PSD3: variants seen among roughly 807,000 people sequenced by gnomAD.
The protein encoded by PSD3 is pleckstrin and Sec7 domain containing 3.
A neutral mutation model predicts 105.5 loss-of-function variants in PSD3; 49 were observed. That is an observed-to-expected ratio of 0.46 (90% CI 0.37 to 0.59). The LOEUF (loss-of-function observed/expected upper bound fraction) is 0.59, where lower values mean the gene tolerates loss of function less well. PSD3 is among the 20% of genes least tolerant of loss of function. The pLI, the probability that PSD3 is intolerant of heterozygous loss-of-function variation, is 0.00. For synonymous variants in PSD3, 557 were observed against 457.8 expected, an observed-to-expected ratio of 1.22 and a Z score of -2.77; for missense variants, 1,561 against 1,263.8, an observed-to-expected ratio of 1.24 and a Z score of -3.57.
At chr8:18,894,648 T>G (rs1364469864) in intron 2 of PSD3, among the ~76,000 whole-genome samples, 1 of 152,140 alleles carries the variant, frequency 6.6e-6, no homozygotes, top group African/African-American at 2.4e-5. Context: ...TGTATTCTTT[T>G]AACCCCAAGA....
At chr8:18,580,546 T>A (rs1802747641) in intron 12 of PSD3, among the ~76,000 whole-genome samples, 1 of 151,862 alleles carries the variant, frequency 6.6e-6, no homozygotes, top group Non-Finnish European at 1.5e-5. Flanking sequence ...TGAGAATCTG[T>A]GTCAAAAAAC....
chr8:18,702,962 G>C (rs1801679470), intron 9 of PSD3, among the ~76,000 whole-genome samples: 1 of 152,070 alleles, frequency 6.6e-6, no homozygotes, highest in Non-Finnish European at 1.5e-5. Context: ...TGTAGTGCCT[G>C]CTATAGCCAT....
intron 1 of PSD3, among the ~76,000 whole-genome samples, chr8:18,964,372 C>T (rs1213472087): frequency 1.3e-5 from 2 of 152,190 alleles, no homozygotes; most frequent in African/African-American, 4.8e-5. Context: ...GATCCTCCCA[C>T]CTAGGCCTCC....
At chr8:18,569,134 C>A (rs1229900848) in intron 14 of PSD3, among the ~76,000 whole-genome samples, 1 of 129,934 alleles carries the variant, frequency 7.7e-6, no homozygotes, top group Non-Finnish European at 1.6e-5. Context: ...GGTTCCAAGT[C>A]TTTGCTATTG....
intron 9 of PSD3, among the ~76,000 whole-genome samples, chr8:18,752,554 A>ATTATATAT (rs60557005): frequency 9.7e-4 from 19 of 19,686 alleles, no homozygotes; most frequent in East Asian, 5.7e-3. Flanking sequence ...TATTATATAT[A>ATTATATAT]ATTATATATA....
At chr8:19,017,050 CTTTT>C (rs60211350), upstream of PSD3, among the ~76,000 whole-genome samples, 42 of 115,542 alleles carry the variant, frequency 3.6e-4, no homozygotes, top group East Asian at 6.0e-4. Context: ...TGGCTACATA[CTTTT>C]TTTTTTTTTT....
intron 11 of PSD3, among the ~76,000 whole-genome samples, chr8:18,602,586 G>A (rs1804513692): frequency 6.6e-6 from 1 of 152,072 alleles, no homozygotes; most frequent in Non-Finnish European, 1.5e-5. Flanking sequence ...TAAAAGCACT[G>A]CTCTAAGTGC....
chr8:18,716,115 G>C (rs1257649291), intron 9 of PSD3, among the ~76,000 whole-genome samples: 1 of 152,166 alleles, frequency 6.6e-6, no homozygotes, highest in South Asian at 2.1e-4. Flanking sequence ...CATGAGTGCA[G>C]AGAACAAAAT....
chr8:18,695,019 G>C (rs949467329), intron 9 of PSD3, among the ~76,000 whole-genome samples: 1 of 152,112 alleles, frequency 6.6e-6, no homozygotes, highest in African/African-American at 2.4e-5. Flanking sequence ...TCTAAGACAG[G>C]AAGGGACCAG....
At chr8:18,623,102 C>T (rs1806234444) in intron 11 of PSD3, among the ~76,000 whole-genome samples, 1 of 152,058 alleles carries the variant, frequency 6.6e-6, no homozygotes, top group African/African-American at 2.4e-5. Flanking sequence ...CCAGGCTGGT[C>T]TTGAACTCCT....
chr8:18,540,789 T>C (rs1800110519), intron 15 of PSD3, among the ~76,000 whole-genome samples: 1 of 152,116 alleles, frequency 6.6e-6, no homozygotes. Flanking sequence ...TGGTTTCTCA[T>C]CCTTAATTCT....
At chr8:18,723,494 A>G (rs573081054) in intron 9 of PSD3, among the ~76,000 whole-genome samples, 1 of 152,300 alleles carries the variant, frequency 6.6e-6, no homozygotes, top group South Asian at 2.1e-4. Flanking sequence ...TTCTCTACTG[A>G]AGATCAATTA....
chr8:18,701,201 C>A (rs1437333288), intron 9 of PSD3, among the ~76,000 whole-genome samples: 1 of 150,566 alleles, frequency 6.6e-6, no homozygotes, highest in Non-Finnish European at 1.5e-5. Flanking sequence ...AACTCCTGGG[C>A]CCAAGTGATC....
intron 4 of PSD3, among the ~76,000 whole-genome samples, chr8:18,823,557 A>G (rs1316076773): frequency 1.3e-5 from 2 of 152,116 alleles, no homozygotes; most frequent in Non-Finnish European, 2.9e-5. Context: ...GCAACTTATC[A>G]TTGAATTCTG....
At chr8:18,852,847 C>A (rs146710314) in intron 4 of PSD3, among the ~76,000 whole-genome samples, 2 of 152,300 alleles carry the variant, frequency 1.3e-5, no homozygotes, top group African/African-American at 2.4e-5. Flanking sequence ...TTAATGTTTA[C>A]TGAGCTCTTT....
At chr8:18,679,112 G>C (rs17127030) in intron 9 of PSD3, among the ~76,000 whole-genome samples, 1 of 152,112 alleles carries the variant, frequency 6.6e-6, no homozygotes, top group Admixed American at 6.5e-5. Context: ...TGTTTGACCA[G>C]AATCTCCTTC....
At chr8:19,034,283 G>A (rs1274402319) in intron 1 of PSD3, among the ~76,000 whole-genome samples, 1 of 152,130 alleles carries the variant, frequency 6.6e-6, no homozygotes, top group Non-Finnish European at 1.5e-5. Flanking sequence ...TCACATTATA[G>A]CAAGAATACA....
chr8:18,688,406 T>C (rs1200484451), intron 9 of PSD3, among the ~76,000 whole-genome samples: 1 of 152,218 alleles, frequency 6.6e-6, no homozygotes, highest in African/African-American at 2.4e-5. Flanking sequence ...CTTCTTAATA[T>C]TTCTTGCTCT....
At chr8:18,577,324 CAT>C (rs1012746995) in intron 12 of PSD3, among the ~76,000 whole-genome samples, 4 of 151,964 alleles carry the variant, frequency 2.6e-5, no homozygotes, top group African/African-American at 9.7e-5. Flanking sequence ...TGGCCAATCA[CAT>C]GTTTGATTTT....
Sources: allele counts gnomAD v4.1 joint callset (sites outside exome capture counted in the v4.1 genomes callset), GRCh38; gene constraint gnomAD v4.1.1; transcripts MANE v1.5; gene names NCBI Gene and HGNC (gene_info 2026-07-23, HGNC 2026-07-21).